Variants in DHX15 observed in about 807,000 individuals in gnomAD.
The protein encoded by DHX15 is ATP-dependent RNA helicase DHX15.
In DHX15, 11 loss-of-function variants were observed where a neutral mutation model predicts 94.4. That is an observed-to-expected ratio of 0.12 (90% CI 0.07 to 0.19). DHX15 has a LOEUF of 0.19. Ranked by LOEUF, DHX15 falls within the 10% of genes least tolerant of loss-of-function variation. The pLI is 1.00. For missense variants in DHX15, 304 were observed against 988.5 expected, an observed-to-expected ratio of 0.31 and a Z score of 9.29; for synonymous variants, 338 against 329.9, an observed-to-expected ratio of 1.02 and a Z score of -0.27.
chr4:24,578,802 C>T (rs1273407464), intron 1 of DHX15, among the ~76,000 whole-genome samples: 1 of 152,050 alleles, frequency 6.6e-6, no homozygotes, highest in Non-Finnish European at 1.5e-5. Flanking sequence ...TGGGATCAAG[C>T]AATCTCTTGC....
At chr4:24,580,284 G>A (rs924736388) in intron 1 of DHX15, among the ~76,000 whole-genome samples, 1 of 152,058 alleles carries the variant, frequency 6.6e-6, no homozygotes, top group Admixed American at 6.5e-5. Flanking sequence ...TGGCACGCCT[G>A]TAGTCCCAGC....
intron 4 of DHX15, among the ~76,000 whole-genome samples, chr4:24,555,897 G>A (rs1205699607): frequency 2.0e-5 from 3 of 150,636 alleles, no homozygotes; most frequent in Admixed American, 2.0e-4. Context: ...TGTTTGTGAT[G>A]AGACAAGGAC....
At chr4:24,550,167 A>G (rs1721562275) in intron 5 of DHX15, among the ~76,000 whole-genome samples, 2 of 150,004 alleles carry the variant, frequency 1.3e-5, no homozygotes, top group African/African-American at 4.9e-5. Context: ...GCCATGAAAG[A>G]AGTCTGCAGG....
intron 3 of DHX15, among the ~76,000 whole-genome samples, chr4:24,557,031 A>AT (rs1721753080): frequency 6.6e-6 from 1 of 152,206 alleles, no homozygotes; most frequent in Admixed American, 6.5e-5. Context: ...TAAATGGAAG[A>AT]TAAAAACAAA....
chr4:24,533,100 C>G (rs1188894268), intron 11 of DHX15, 46 bp from the exon 12 acceptor site: 1 of 1,482,082 alleles, frequency 6.7e-7, no homozygotes, highest in Non-Finnish European at 9.4e-7. Context: ...CATGAATCAC[C>G]CACACAGGAA....
intron 1 of DHX15, among the ~76,000 whole-genome samples, chr4:24,583,684 C>G (rs943263429): frequency 1.3e-5 from 2 of 152,170 alleles, no homozygotes. Flanking sequence ...CCTTCCAGCC[C>G]ATCAGGTATA....
intron 2 of DHX15, among the ~76,000 whole-genome samples, chr4:24,571,746 T>C (rs1176290998): frequency 6.6e-6 from 1 of 152,222 alleles, no homozygotes; most frequent in Non-Finnish European, 1.5e-5. Flanking sequence ...ATCAGTACAG[T>C]AAAACTGATA....
At chr4:24,530,026 C>CA (rs1721040671) in intron 12 of DHX15, 1 of 528,026 alleles carries the variant, frequency 1.9e-6, no homozygotes. Context: ...AAATATCATA[C>CA]AAAAAACATT....
In DHX15 at chr4:24,575,143, A is replaced by G. The variant is rs376195744; in HGVS notation, c.507+1100T>C. On this transcript the variant is annotated intron_variant, in intron 2 of 13. Coordinates refer to ENST00000336812, the MANE Select transcript of DHX15 (RefSeq NM_001358.3). The stretch of plus-strand genomic sequence containing the variant: ...GCATGGGTGAAAGACTGTCTCAACA[A>G]CAACACAAAAATTAAAAAAAAAAAA... Among the ~76,000 whole-genome samples the G allele has an allele frequency of 3.3e-5, 5 of 151,882 alleles. No individual in the cohort carries two copies. The South Asian group carries it at 1.0e-3, about 31-fold the overall frequency.
At chr4:24,564,301 A>T (rs1721949387) in intron 3 of DHX15, among the ~76,000 whole-genome samples, 1 of 152,212 alleles carries the variant, frequency 6.6e-6, no homozygotes, top group Non-Finnish European at 1.5e-5. Context: ...ACTACTTAGT[A>T]AATGGAATTC....
chr4:24,533,485 G>A lies in DHX15; in HGVS notation c.1910-431C>T, dbSNP rs1342540354. On this transcript the variant is annotated intron_variant, in intron 11 of 13. Coordinates refer to ENST00000336812, the MANE Select transcript of DHX15 (RefSeq NM_001358.3). ...TGTATTGTTCTTTATGCCTGACACA[G>A]AGCACCTCAGACTTAAAGACGGCAA... is the stretch of plus-strand genomic sequence containing the variant. The A allele has an allele frequency of 3.9e-5, 7 of 177,274 alleles. No homozygotes were observed. The East Asian group carries it at 9.7e-4, about 25-fold the overall frequency. 11.0% of individuals were successfully genotyped at this position (177,274 alleles called of 1,614,324 possible).
chr4:24,581,362 A>G (rs961061260), intron 1 of DHX15, among the ~76,000 whole-genome samples: 4 of 152,152 alleles, frequency 2.6e-5, no homozygotes, highest in African/African-American at 9.7e-5. Context: ...ATGTGTACCT[A>G]CAGTTAATGA....
intron 9 of DHX15, 112 bp downstream of exon 9, chr4:24,540,728 G>T (rs1577334823): frequency 3.4e-6 from 2 of 594,838 alleles, no homozygotes; most frequent in Non-Finnish European, 5.8e-6. Flanking sequence ...GATGCATACT[G>T]GATGGAAAAA....
At chr4:24,577,934 G>T (rs1049252216) in intron 1 of DHX15, among the ~76,000 whole-genome samples, 4 of 152,152 alleles carry the variant, frequency 2.6e-5, no homozygotes, top group Non-Finnish European at 5.9e-5. Context: ...CCCGAAACAT[G>T]TCATTGTTCC....
intron 4 of DHX15, 38 bp from the exon 5 acceptor site, chr4:24,554,981 AGGATTCT>A (rs1458419912): frequency 2.0e-6 from 3 of 1,530,492 alleles, no homozygotes. Flanking sequence ...GCTGTCTTCA[AGGATTCT>A]TACATGGTCT....
At chr4:24,547,927 A>ATATCTC (rs1560765863) in intron 6 of DHX15, among the ~76,000 whole-genome samples, 9 of 102,956 alleles carry the variant, frequency 8.7e-5, no homozygotes, top group Non-Finnish European at 1.2e-4. Context: ...ATATATATAT[A>ATATCTC]TATATATATA....
intron 1 of DHX15, among the ~76,000 whole-genome samples, chr4:24,576,936 T>A (rs1005166649): frequency 6.6e-6 from 1 of 152,238 alleles, no homozygotes; most frequent in African/African-American, 2.4e-5. Context: ...GAACTCAGTC[T>A]GCTGCAAGTA....
intron 2 of DHX15, among the ~76,000 whole-genome samples, chr4:24,574,805 T>C (rs980568046): frequency 3.9e-5 from 6 of 152,142 alleles, no homozygotes; most frequent in Non-Finnish European, 8.8e-5. Context: ...TACCCAAATA[T>C]CAATTAAATA....
intron 3 of DHX15, among the ~76,000 whole-genome samples, chr4:24,562,666 T>C (rs760717961): frequency 4.6e-5 from 7 of 152,244 alleles, no homozygotes; most frequent in African/African-American, 7.2e-5. Context: ...GGGATAGCCA[T>C]ACACTTTATA....
Sources: gnomAD v4.1 joint callset for allele counts (sites outside exome capture counted in the v4.1 genomes callset) on GRCh38, gnomAD v4.1.1 for gene constraint, MANE v1.5 for transcripts, NCBI Gene and HGNC (gene_info 2026-07-23, HGNC 2026-07-21) for gene names.